Variants in HCRTR2 observed in about 807,000 individuals in gnomAD.
HCRTR2 encodes orexin receptor type 2.
A neutral mutation model predicts 49.0 loss-of-function variants in HCRTR2; 22 were observed. That is an observed-to-expected ratio of 0.45 (90% CI 0.32 to 0.64). The LOEUF is 0.64. HCRTR2 is among the 30% of genes least tolerant of loss of function. HCRTR2 has a pLI of 0.04. For synonymous variants in HCRTR2, 236 were observed against 205.3 expected, an observed-to-expected ratio of 1.15 and a Z score of -1.28; for missense variants, 491 against 559.4, an observed-to-expected ratio of 0.88 and a Z score of 1.23.
At chr6:55,186,813 C>G (rs753033158) in intron 1 of HCRTR2, among the ~76,000 whole-genome samples, 14 of 152,132 alleles carry the variant, frequency 9.2e-5, no homozygotes, top group Non-Finnish European at 2.1e-4. Context: ...CTCACCTGAG[C>G]CTTGGGATGT....
intron 1 of HCRTR2, among the ~76,000 whole-genome samples, chr6:55,184,702 A>G (rs947047301): frequency 3.9e-5 from 6 of 152,252 alleles, no homozygotes; most frequent in African/African-American, 9.6e-5. Context: ...TGGATAGTTT[A>G]GAAGCTTTTA....
At chr6:55,229,611 T>C (rs753361881) in intron 1 of HCRTR2, among the ~76,000 whole-genome samples, 2 of 152,186 alleles carry the variant, frequency 1.3e-5, no homozygotes, top group Non-Finnish European at 2.9e-5. Context: ...CAGGACGTTA[T>C]GCTAGGTGGA....
chr6:55,189,836 T>C (rs1765286841), intron 1 of HCRTR2, among the ~76,000 whole-genome samples: 1 of 152,190 alleles, frequency 6.6e-6, no homozygotes, highest in Non-Finnish European at 1.5e-5. Context: ...AGTGCTTGTC[T>C]TATTCGTTTT....
chr6:55,133,203 G>T (rs1278690482), intron 1 of HCRTR2, among the ~76,000 whole-genome samples: 1 of 151,684 alleles, frequency 6.6e-6, no homozygotes, highest in Non-Finnish European at 1.5e-5. Context: ...TTTTACCTCG[G>T]TACAGTCTAG....
chr6:55,128,412 T>A (rs1480033756), intron 1 of HCRTR2, among the ~76,000 whole-genome samples: 2 of 152,208 alleles, frequency 1.3e-5, no homozygotes, highest in Non-Finnish European at 2.9e-5. Context: ...CACGCTCTTT[T>A]TTGGTTCCAT....
intron 1 of HCRTR2, among the ~76,000 whole-genome samples, chr6:55,112,302 G>A (rs1764059826): frequency 6.6e-6 from 1 of 151,896 alleles, no homozygotes; most frequent in African/African-American, 2.4e-5. Flanking sequence ...GGAGCAATTA[G>A]ACAAGAGAAC....
chr6:55,153,606 G>T (rs1426715234), intron 1 of HCRTR2, among the ~76,000 whole-genome samples: 2 of 151,868 alleles, frequency 1.3e-5, no homozygotes, highest in African/African-American at 4.8e-5. Flanking sequence ...ATGCTGTTTT[G>T]ATTATTGTAG....
At chr6:55,127,578 C>T (rs2127243381) in intron 1 of HCRTR2, among the ~76,000 whole-genome samples, 1 of 151,552 alleles carries the variant, frequency 6.6e-6, no homozygotes, top group East Asian at 1.9e-4. Context: ...TCTGTGAGGT[C>T]TGAGAAATCT....
chr6:55,131,073 C>T (rs929110137), intron 1 of HCRTR2, among the ~76,000 whole-genome samples: 4 of 151,746 alleles, frequency 2.6e-5, no homozygotes, highest in Admixed American at 6.6e-5. Context: ...AAAACTAGCA[C>T]TATACTTCTA....
intron 1 of HCRTR2, among the ~76,000 whole-genome samples, chr6:55,165,744 A>ATATATATATATATATATAT (rs1764867205): frequency 7.8e-6 from 1 of 128,472 alleles, no homozygotes; most frequent in Non-Finnish European, 1.6e-5. Flanking sequence ...TAGTATACAG[A>ATATATATATATATATATAT]ATATATATAT....
intron 1 of HCRTR2, among the ~76,000 whole-genome samples, chr6:55,202,983 T>C (rs1765537315): frequency 6.6e-6 from 1 of 152,172 alleles, no homozygotes; most frequent in African/African-American, 2.4e-5. Flanking sequence ...GTTTTGAATA[T>C]ACTTCCATTA....
chr6:55,221,556 G>A (rs1042057598), intron 1 of HCRTR2, among the ~76,000 whole-genome samples: 2 of 152,148 alleles, frequency 1.3e-5, no homozygotes, highest in Non-Finnish European at 2.9e-5. Context: ...GCTCACGCCT[G>A]TAATCCCAGC....
At chr6:55,276,405 A>G (rs1301247050) in intron 4 of HCRTR2, among the ~76,000 whole-genome samples, 2 of 152,184 alleles carry the variant, frequency 1.3e-5, no homozygotes, top group Non-Finnish European at 2.9e-5. Context: ...TCTATCGAAC[A>G]TCTATTCTGA....
intron 3 of HCRTR2, among the ~76,000 whole-genome samples, chr6:55,262,584 T>C (rs1394308885): frequency 3.0e-5 from 4 of 134,582 alleles, no homozygotes; most frequent in East Asian, 2.0e-4. Flanking sequence ...ATAAATAAAA[T>C]ATGTACTATA....
At chr6:55,265,475 G>C (rs1766844438) in intron 4 of HCRTR2, among the ~76,000 whole-genome samples, 1 of 151,994 alleles carries the variant, frequency 6.6e-6, no homozygotes, top group Non-Finnish European at 1.5e-5. Context: ...GCACTTTCTG[G>C]GACATGGCAT....
At chr6:55,145,514 C>T (rs1270563329) in intron 1 of HCRTR2, among the ~76,000 whole-genome samples, 1 of 151,746 alleles carries the variant, frequency 6.6e-6, no homozygotes, top group Non-Finnish European at 1.5e-5. Flanking sequence ...GGGTTCATGC[C>T]ATTCTCCTGC....
intron 1 of HCRTR2, among the ~76,000 whole-genome samples, chr6:55,143,329 A>C (rs900662073): frequency 6.6e-6 from 1 of 152,098 alleles, no homozygotes. Flanking sequence ...TACAGAATAA[A>C]ATGCTTTTCT....
intron 1 of HCRTR2, among the ~76,000 whole-genome samples, chr6:55,190,343 ACTTT>A (rs1765295366): frequency 6.6e-6 from 1 of 152,164 alleles, no homozygotes; most frequent in Non-Finnish European, 1.5e-5. Flanking sequence ...AGGAGTCCAC[ACTTT>A]CATGCCAGGT....
intron 1 of HCRTR2, among the ~76,000 whole-genome samples, chr6:55,226,495 G>T (rs928525619): frequency 1.3e-5 from 2 of 151,508 alleles, no homozygotes; most frequent in African/African-American, 4.9e-5. Context: ...TTTTAGTAGA[G>T]ATGGGGTTTC....
Sources: allele counts gnomAD v4.1 joint callset (sites outside exome capture counted in the v4.1 genomes callset), GRCh38; gene constraint gnomAD v4.1.1; transcripts MANE v1.5; gene names NCBI Gene and HGNC (gene_info 2026-07-23, HGNC 2026-07-21).